The following CCR5AS variants were observed in gnomAD, a reference collection of about 807,000 sequenced individuals.
CCR5AS encodes the protein CCR5 antisense RNA.
intron 1 of CCR5AS, among the ~76,000 whole-genome samples, chr3:46,405,454 A>C (rs752504055): frequency 5.9e-5 from 9 of 152,198 alleles, no homozygotes; most frequent in Admixed American, 1.3e-4. Context: ...GTCTGACTTG[A>C]CTTTCCTTCC....
intron 1 of CCR5AS, among the ~76,000 whole-genome samples, chr3:46,397,135 C>T (rs1701968465): frequency 6.6e-6 from 1 of 152,070 alleles, no homozygotes; most frequent in Admixed American, 6.5e-5. Flanking sequence ...GAGGTAACAC[C>T]TACCCTGGGA....
intron 1 of CCR5AS, among the ~76,000 whole-genome samples, chr3:46,402,117 C>T (rs375900313): frequency 4.0e-4 from 61 of 152,124 alleles, no homozygotes; most frequent in South Asian, 3.5e-3. Context: ...TAGCATACTG[C>T]GGAATAAACT....
chr3:46,369,457 T>G (rs887109763), intron 3 of CCR5AS, among the ~76,000 whole-genome samples: 3 of 151,878 alleles, frequency 2.0e-5, no homozygotes, highest in African/African-American at 7.3e-5. Flanking sequence ...GGGGGTGTCT[T>G]GATCGCTGGG....
At chr3:46,390,653 C>A (rs760124515) in intron 2 of CCR5AS, among the ~76,000 whole-genome samples, 36 of 151,966 alleles carry the variant, frequency 2.4e-4, no homozygotes, top group Non-Finnish European at 4.9e-4. Flanking sequence ...TGAAACAGGT[C>A]TTGAGTTGGG....
At chr3:46,402,401 A>C (rs1242885956) in intron 1 of CCR5AS, among the ~76,000 whole-genome samples, 1 of 152,190 alleles carries the variant, frequency 6.6e-6, no homozygotes, top group East Asian at 1.9e-4. Context: ...TTGATCTACT[A>C]CTCAATATCA....
At chr3:46,386,598 CA>C (rs11298823) in intron 2 of CCR5AS, among the ~76,000 whole-genome samples, 16,668 of 152,122 alleles carry the variant, frequency 0.11, 1,099 homozygotes, top group Non-Finnish European at 0.15. Flanking sequence ...CAAGGTGGGA[CA>C]GGGGGAAAGG....
At chr3:46,375,682 G>C (rs778460868) in intron 2 of CCR5AS, 1 of 166,594 alleles carries the variant, frequency 6.0e-6, no homozygotes, top group Non-Finnish European at 1.5e-5. Flanking sequence ...GGCGCCTTAG[G>C]TACTTATTCC....
At chr3:46,387,144 C>A (rs1422514193) in intron 2 of CCR5AS, among the ~76,000 whole-genome samples, 1 of 152,046 alleles carries the variant, frequency 6.6e-6, no homozygotes, top group Non-Finnish European at 1.5e-5. Flanking sequence ...ATGAAAGATA[C>A]CCCCTTCCTA....
Position 46,373,912 on chromosome 3 carries a change from C to T in CCR5AS, n.392-2495G>A. ...CAAGAGGCTCCCGAGCGAGCAAGCT[C>T]AGTTTACACCCGATCCACTGGGGAG... On this transcript the variant is annotated intron_variant and non_coding_transcript_variant, in intron 2 of 3. Coordinates refer to ENST00000451485, the Ensembl canonical transcript of CCR5AS. 6.3e-7 allele frequency: 1 copy of T among 1,598,628 alleles called. No individual in the cohort carries two copies. The highest frequency in any genetic ancestry group is 8.5e-7 in the Non-Finnish European group (1 of 1,170,472).
intron 2 of CCR5AS, among the ~76,000 whole-genome samples, chr3:46,388,895 A>G (rs1397395996): frequency 6.6e-6 from 1 of 152,198 alleles, no homozygotes; most frequent in African/African-American, 2.4e-5. Context: ...AGCAAAGATC[A>G]TCTGTCCACT....
In CCR5AS at chr3:46,395,647, T is replaced by G. The variant is rs1701955134; in HGVS notation, n.164-2595A>C. On this transcript the variant is annotated intron_variant and non_coding_transcript_variant, in intron 1 of 3. Transcript: ENST00000451485. ...CCTGGTCTCCTCCTCTGCCCACTCATGGCAAAGGAATACAAAGTAATGTTC... is the reference window on the plus strand; with the variant it reads ...CCTGGTCTCCTCCTCTGCCCACTCAGGGCAAAGGAATACAAAGTAATGTTC... 3.9e-5 allele frequency among the ~76,000 whole-genome samples: 6 copies of G among 152,272 alleles called. No homozygotes were observed. The South Asian group carries it at 1.0e-3, about 26-fold the overall frequency.
chr3:46,384,671 C>T (rs569732397), intron 2 of CCR5AS, among the ~76,000 whole-genome samples: 40 of 152,094 alleles, frequency 2.6e-4, no homozygotes, highest in Non-Finnish European at 3.4e-4. Context: ...GGAAAAAATC[C>T]TAGAGAGCAT....
At chr3:46,398,621 G>C (rs1023499247) in intron 1 of CCR5AS, among the ~76,000 whole-genome samples, 6 of 152,134 alleles carry the variant, frequency 3.9e-5, no homozygotes, top group Non-Finnish European at 8.8e-5. Flanking sequence ...ACATTGTCCT[G>C]GTCTATGAAA....
intron 1 of CCR5AS, among the ~76,000 whole-genome samples, chr3:46,400,521 A>T (rs561580171): frequency 6.6e-6 from 1 of 152,348 alleles, no homozygotes; most frequent in South Asian, 2.1e-4. Context: ...ATGGAGTGAG[A>T]GAAACCAAAG....
chr3:46,373,743 G>A (rs1350401044), intron 2 of CCR5AS: 4 of 1,613,916 alleles, frequency 2.5e-6, no homozygotes, highest in Non-Finnish European at 3.4e-6. Context: ...AGCTATGCAG[G>A]TGACAGAGAC....
At chr3:46,378,518 A>G (rs1421302260) in intron 2 of CCR5AS, among the ~76,000 whole-genome samples, 4 of 152,074 alleles carry the variant, frequency 2.6e-5, no homozygotes, top group Admixed American at 2.6e-4. Context: ...CAAGCTAGGA[A>G]GCCATGGCAA....
intron 2 of CCR5AS, among the ~76,000 whole-genome samples, chr3:46,381,541 T>C (rs898160771): frequency 3.3e-5 from 5 of 152,220 alleles, no homozygotes; most frequent in Non-Finnish European, 7.3e-5. Context: ...GTCAAGACAA[T>C]TCCTCCTTTT....
intron 2 of CCR5AS, among the ~76,000 whole-genome samples, chr3:46,377,577 G>A (rs1010802959): frequency 2.0e-5 from 3 of 152,242 alleles, no homozygotes; most frequent in Admixed American, 6.5e-5. Flanking sequence ...TTTCTATCAC[G>A]GGGAGAGATA....
chr3:46,372,892 G>C, intron 2 of CCR5AS: 1 of 1,559,622 alleles, frequency 6.4e-7, no homozygotes, highest in Non-Finnish European at 8.7e-7. Flanking sequence ...TTATGCACAG[G>C]GTGGAACAAG....
Sources: allele counts gnomAD v4.1 joint callset (sites outside exome capture counted in the v4.1 genomes callset), GRCh38; gene constraint gnomAD v4.1.1; transcripts MANE v1.5; gene names NCBI Gene and HGNC (gene_info 2026-07-23, HGNC 2026-07-21).